AGBL1: variants seen among roughly 807,000 people sequenced by gnomAD.
The protein encoded by AGBL1 is cytosolic carboxypeptidase 4.
Under a neutral mutation model 118.9 loss-of-function variants are expected in AGBL1, and 130 were observed. The observed-to-expected ratio is 1.09, with a 90% CI of 0.95 to 1.26. The LOEUF (loss-of-function observed/expected upper bound fraction) is 1.26, where lower values mean the gene tolerates loss of function less well. Among genes scored for constraint, AGBL1 ranks in the 50% most tolerant of loss-of-function variants. The pLI is 0.00. For missense variants in AGBL1, 1,584 were observed against 1,298.1 expected (o/e 1.22, Z -3.38); for synonymous variants, 555 against 478.9 (o/e 1.16, Z -2.08).
Position 86,564,227 on chromosome 15 carries a change from G to C in AGBL1, c.2994+9690G>C, listed in dbSNP as rs532622700. Among the ~76,000 whole-genome samples the C allele has an allele frequency of 5.9e-5, 9 of 152,226 alleles. No individual in the cohort carries two copies. The South Asian group carries it at 1.7e-3, about 28-fold the overall frequency. On this transcript the variant is annotated intron_variant, in intron 21 of 22. Transcript: ENST00000614907. ...GATGATGCAGTTTCTTCCTAGCATC[G>C]ATGGTCTTTACAATTTGGCACGTTT... is the stretch of plus-strand genomic sequence containing the variant.
chr15:86,481,232 A>G (rs1229781036), intron 18 of AGBL1, among the ~76,000 whole-genome samples: 2 of 151,878 alleles, frequency 1.3e-5, no homozygotes, highest in African/African-American at 4.8e-5. Context: ...AGTACCTACT[A>G]TGTGCTAGAT....
intron 22 of AGBL1, among the ~76,000 whole-genome samples, chr15:86,749,843 C>A (rs539670914): frequency 2.6e-5 from 4 of 152,284 alleles, no homozygotes; most frequent in African/African-American, 9.6e-5. Flanking sequence ...ACCAGCCTTG[C>A]ATCCCAGGGA....
chr15:86,556,462 C>G (rs1248884211), intron 21 of AGBL1, among the ~76,000 whole-genome samples: 2 of 152,204 alleles, frequency 1.3e-5, no homozygotes, highest in African/African-American at 4.8e-5. Context: ...TTAGTTTCCT[C>G]CTTCTCTTTG....
chr15:86,748,497 T>C (rs1308687006), intron 22 of AGBL1, among the ~76,000 whole-genome samples: 1 of 143,166 alleles, frequency 7.0e-6, no homozygotes, highest in African/African-American at 2.6e-5. Flanking sequence ...TAGATCCCAT[T>C]TGTCAATTTT....
At chr15:86,258,191 T>A (rs934745048) in intron 9 of AGBL1, among the ~76,000 whole-genome samples, 160 bp downstream of exon 9, 1 of 152,222 alleles carries the variant, frequency 6.6e-6, no homozygotes, top group African/African-American at 2.4e-5. Context: ...TAGCTACTGT[T>A]ATTGATTTCC....
chr15:86,247,630 G>A lies in AGBL1; in HGVS notation c.527-41G>A, dbSNP rs1454130017. ...AACATTCTCAAAGAGGTGTGGCTGTGGAGAGCCTGTGACTGACCCTGCCTT... is the reference window on the plus strand; with the variant it reads ...AACATTCTCAAAGAGGTGTGGCTGTAGAGAGCCTGTGACTGACCCTGCCTT... On this transcript the variant is annotated intron_variant, in intron 6 of 22. Transcript: ENST00000614907. 2.6e-6 allele frequency: 4 copies of A among 1,543,030 alleles called. No individual in the cohort carries two copies. The South Asian group carries it at 3.6e-5, about 14-fold the overall frequency.
intron 21 of AGBL1, among the ~76,000 whole-genome samples, chr15:86,633,880 A>AATT: frequency 1.2e-4 from 1 of 8,534 alleles, no homozygotes; most frequent in African/African-American, 2.5e-4. Flanking sequence ...TATATAATGT[A>AATT]TATATATATA....
In AGBL1 at chr15:86,548,431, A is replaced by C. The variant is rs189340740; in HGVS notation, c.2817+2298A>C. ...TCAGTGAATCCTCTCTGCAAAACGC[A>C]GTATAAAATAGAAGAAAATTTTGAA... On this transcript the variant is annotated intron_variant, in intron 20 of 22. Transcript: ENST00000614907. Among the ~76,000 whole-genome samples, 97 of 152,318 alleles carry C rather than the reference A, an allele frequency of 6.4e-4. 2 individuals are homozygous for C. The highest frequency in any genetic ancestry group is 5.6e-3 in the East Asian group (29 of 5,182).
chr15:86,791,452 G>T (rs1193137726), intron 22 of AGBL1, among the ~76,000 whole-genome samples: 1 of 152,024 alleles, frequency 6.6e-6, no homozygotes, highest in Non-Finnish European at 1.5e-5. Flanking sequence ...CTCGGTAAAT[G>T]CCCACCTGTA....
intron 24 of AGBL1, among the ~76,000 whole-genome samples, chr15:87,005,710 T>C (rs920344519): frequency 9.2e-5 from 14 of 152,228 alleles, no homozygotes; most frequent in Non-Finnish European, 1.6e-4. Context: ...ATTCTCTCTC[T>C]GTCCAGCTTT....
chr15:86,265,014 T>C (rs2079050913), intron 11 of AGBL1, among the ~76,000 whole-genome samples, 176 bp downstream of exon 11: 1 of 152,232 alleles, frequency 6.6e-6, no homozygotes, highest in Admixed American at 6.5e-5. Flanking sequence ...GCAAGGACTT[T>C]TCAGAATCAA....
At chr15:86,284,427 C>T (rs1387564539) in intron 16 of AGBL1, among the ~76,000 whole-genome samples, 2 of 152,060 alleles carry the variant, frequency 1.3e-5, no homozygotes, top group Non-Finnish European at 2.9e-5. Context: ...AAAGTTAAGT[C>T]CCTTTAACTT....
intron 5 of AGBL1, among the ~76,000 whole-genome samples, chr15:86,159,949 A>G (rs2077243929): frequency 6.6e-6 from 1 of 152,138 alleles, no homozygotes; most frequent in Non-Finnish European, 1.5e-5. Flanking sequence ...AGTGAAAAAA[A>G]ATTCTCATCC....
In AGBL1 at chr15:86,679,335, A is replaced by G. The variant is rs373975435; in HGVS notation, c.3158+4899A>G. 3.7e-4 allele frequency among the ~76,000 whole-genome samples: 57 copies of G among 152,166 alleles called. 2 individuals are homozygous for G. In the South Asian group the frequency reaches 0.012, roughly 32 times the overall value. ...AACTTTTAATCTCAATATTTAAAAA[A>G]GTTTTGTTCATCTAAAAAATGTGTA... is the stretch of plus-strand genomic sequence containing the variant. On this transcript the variant is annotated intron_variant, in intron 22 of 22. Coordinates refer to ENST00000614907, the MANE Select transcript of AGBL1 (RefSeq NM_001386094.1).
intron 17 of AGBL1, among the ~76,000 whole-genome samples, chr15:86,325,874 A>G (rs980999777): frequency 3.3e-5 from 5 of 151,932 alleles, no homozygotes; most frequent in South Asian, 2.1e-4. Flanking sequence ...AATTTTTTCA[A>G]TTTTCTCTCA....
At chr15:86,687,543 C>T (rs950145869) in intron 22 of AGBL1, among the ~76,000 whole-genome samples, 1 of 152,048 alleles carries the variant, frequency 6.6e-6, no homozygotes, top group Non-Finnish European at 1.5e-5. Flanking sequence ...GATTATATGG[C>T]TGAATACTAT....
chr15:86,554,911 G>C (rs1596259841), intron 21 of AGBL1, among the ~76,000 whole-genome samples: 1 of 152,216 alleles, frequency 6.6e-6, no homozygotes, highest in East Asian at 1.9e-4. Flanking sequence ...CATCATAAAG[G>C]GCATAGGTCA....
At chr15:86,504,333 G>A (rs1378061822) in intron 18 of AGBL1, among the ~76,000 whole-genome samples, 1 of 151,230 alleles carries the variant, frequency 6.6e-6, no homozygotes, top group Non-Finnish European at 1.5e-5. Flanking sequence ...TAGCCAGCTT[G>A]TAGTTGGAAC....
intron 24 of AGBL1, chr15:86,988,101 GT>G (rs768894918): frequency 1.2e-6 from 2 of 1,612,558 alleles, no homozygotes; most frequent in South Asian, 2.2e-5. Context: ...GAGTATGTCA[GT>G]TTCCTGATTG....
Sources: allele counts gnomAD v4.1 joint callset (sites outside exome capture counted in the v4.1 genomes callset), GRCh38; gene constraint gnomAD v4.1.1; transcripts MANE v1.5; gene names NCBI Gene and HGNC (gene_info 2026-07-23, HGNC 2026-07-21).